EBF2: variants seen among roughly 807,000 people sequenced by gnomAD.
The protein encoded by EBF2 is EBF transcription factor 2.
A neutral mutation model predicts 72.8 loss-of-function variants in EBF2; 21 were observed. The ratio of observed to expected loss-of-function variants is 0.29; its 90% CI spans 0.20 to 0.42. The LOEUF is 0.42. Among genes scored for constraint, EBF2 ranks in the 10% least tolerant of loss-of-function variants. EBF2 has a pLI of 1.00. For synonymous variants in EBF2, 299 were observed against 274.2 expected (o/e 1.09, Z -0.89); for missense variants, 637 against 731.2 (o/e 0.87, Z 1.49).
chr8:25,872,015 C>T (rs945509983), intron 10 of EBF2, among the ~76,000 whole-genome samples: 2 of 150,234 alleles, frequency 1.3e-5, no homozygotes, highest in Non-Finnish European at 3.0e-5. Context: ...AGGATTAGTG[C>T]GATATAAAAT....
At chr8:25,987,325 C>T (rs1247392821) in intron 6 of EBF2, among the ~76,000 whole-genome samples, 3 of 152,094 alleles carry the variant, frequency 2.0e-5, no homozygotes, top group African/African-American at 7.2e-5. Flanking sequence ...TATTATTTCC[C>T]GCCATTTTGC....
At chr8:26,025,902 C>T (rs911845276) in intron 6 of EBF2, among the ~76,000 whole-genome samples, 1 of 152,096 alleles carries the variant, frequency 6.6e-6, no homozygotes, top group Admixed American at 6.5e-5. Flanking sequence ...TTGAGTGCAG[C>T]AGCCCACACC....
intron 14 of EBF2, chr8:25,857,990 A>C: frequency 2.3e-6 from 1 of 432,192 alleles, no homozygotes; most frequent in Non-Finnish European, 4.4e-6. Flanking sequence ...AAAATATTAC[A>C]TCTGAAAGTG....
intron 6 of EBF2, among the ~76,000 whole-genome samples, chr8:25,936,540 G>A (rs1257921832): frequency 6.6e-6 from 1 of 152,142 alleles, no homozygotes; most frequent in Admixed American, 6.5e-5. Context: ...CTTTGCACTG[G>A]TATTTTCAAT....
intron 6 of EBF2, among the ~76,000 whole-genome samples, chr8:25,916,143 A>G (rs1050270733): frequency 6.6e-6 from 1 of 151,922 alleles, no homozygotes; most frequent in African/African-American, 2.4e-5. Context: ...AAAATTAGCC[A>G]GGTGTGGTGG....
In EBF2 at chr8:25,850,734, G is replaced by C; in HGVS notation, c.1556C>G (p.Ser519Cys). 6.4e-7 allele frequency: 1 copy of C among 1,562,068 alleles called. No individual in the cohort carries two copies. The highest frequency in any genetic ancestry group is 8.6e-7 in the Non-Finnish European group (1 of 1,161,868). The change falls in exon 15 of 16, where the codon TCT becomes TGT. Residue 519 changes from serine (S) to cysteine (C), a missense_variant. Ser to Cys is a moderately radical substitution (Grantham distance 112). Around this residue, in one of 3 missense-constraint regions of EBF2, gnomAD observed 259 missense variants for 268.1 expected, o/e 0.97. Transcript: ENST00000520164. The part of the protein sequence containing the change: ...GIMSSSPTVG[S>C]SSTSSILPFS... The stretch of plus-strand genomic sequence containing the variant: ...TGGGAGGATGGAGGATGTGCTGGAA[G>C]ACCCAACGGTGGGACTTGATGACAT...
At chr8:25,953,778 G>A (rs1803899735) in intron 6 of EBF2, among the ~76,000 whole-genome samples, 1 of 152,186 alleles carries the variant, frequency 6.6e-6, no homozygotes, top group Non-Finnish European at 1.5e-5. Context: ...CACCCCTCCA[G>A]GTGAATGACA....
At position 25,861,127 on chromosome 8, in the gene EBF2, T is replaced by C. The variant is rs2117262103; in HGVS notation, c.1264A>G (p.Ser422Gly). Residue 422 changes from serine to glycine, a missense_variant, in exon 13 of 16, where the codon AGT becomes GGT. Around this residue, in one of 3 missense-constraint regions of EBF2, gnomAD observed 259 missense variants for 268.1 expected, o/e 0.97. Transcript: ENST00000520164. ...TAGGAGTTGATTCCCATCATGCCACTGTGCGCTGGGGAGCTAGAGAGGGCT... is the reference window on the plus strand; with the variant it reads ...TAGGAGTTGATTCCCATCATGCCACCGTGCGCTGGGGAGCTAGAGAGGGCT... Reference protein sequence around the residue: ...LPALSSSPAHSGMMGINSYGS... With the variant: ...LPALSSSPAHGGMMGINSYGS... The C allele has an allele frequency of 6.2e-7, 1 of 1,614,198 alleles. No homozygotes were observed. Among genetic ancestry groups the C allele is most frequent in the East Asian group, 2.2e-5 (1 of 44,880 alleles).
intron 6 of EBF2, among the ~76,000 whole-genome samples, chr8:26,028,420 T>C (rs1321681028): frequency 6.6e-6 from 1 of 152,182 alleles, no homozygotes; most frequent in Admixed American, 6.5e-5. Context: ...TACTAGAAAA[T>C]ACCCTACCAG....
intron 10 of EBF2, among the ~76,000 whole-genome samples, chr8:25,874,848 G>A (rs542746368): frequency 9.1e-4 from 129 of 141,948 alleles, no homozygotes; most frequent in Non-Finnish European, 1.6e-3. Context: ...CACCAGCCTG[G>A]CTAACTTTTT....
chr8:25,901,030 T>C (rs928464387), intron 7 of EBF2, among the ~76,000 whole-genome samples: 3 of 152,156 alleles, frequency 2.0e-5, no homozygotes, highest in African/African-American at 7.2e-5. Flanking sequence ...TGACTATGGA[T>C]ACCCTAACTA....
intron 6 of EBF2, among the ~76,000 whole-genome samples, chr8:25,962,772 T>C (rs1452220957): frequency 6.6e-6 from 1 of 152,224 alleles, no homozygotes; most frequent in East Asian, 1.9e-4. Flanking sequence ...AGATGTGACA[T>C]GGTGTCTTAC....
At chr8:25,902,956 G>T (rs1274600869) in intron 7 of EBF2, among the ~76,000 whole-genome samples, 1 of 152,208 alleles carries the variant, frequency 6.6e-6, no homozygotes, top group Admixed American at 6.5e-5. Flanking sequence ...AGGCATGGCA[G>T]GTTTTCCTGG....
intron 14 of EBF2, among the ~76,000 whole-genome samples, chr8:25,852,312 A>C (rs1388523061): frequency 2.6e-5 from 4 of 151,672 alleles, no homozygotes; most frequent in African/African-American, 9.7e-5. Flanking sequence ...GAAATAGAAA[A>C]AATCCAAAAG....
At chr8:26,003,117 A>T (rs1804769318) in intron 6 of EBF2, among the ~76,000 whole-genome samples, 1 of 152,098 alleles carries the variant, frequency 6.6e-6, no homozygotes, top group African/African-American at 2.4e-5. Flanking sequence ...GTCCTCCAAG[A>T]GGCTATCCAG....
At chr8:26,017,854 C>A (rs1015159678) in intron 6 of EBF2, among the ~76,000 whole-genome samples, 1 of 152,134 alleles carries the variant, frequency 6.6e-6, no homozygotes, top group African/African-American at 2.4e-5. Context: ...TGCCACCTCT[C>A]GACAAAAACG....
chr8:25,887,560 G>T (rs890294412), intron 9 of EBF2, among the ~76,000 whole-genome samples: 6 of 151,526 alleles, frequency 4.0e-5, no homozygotes, highest in Non-Finnish European at 5.9e-5. Flanking sequence ...TTTTTTTTCT[G>T]CTTAGTATTA....
chr8:25,912,061 C>A, intron 6 of EBF2, among the ~76,000 whole-genome samples: 1 of 152,152 alleles, frequency 6.6e-6, no homozygotes, highest in East Asian at 1.9e-4. Context: ...CACGGTCCAG[C>A]AGCTGAAGGG....
At chr8:25,983,105 A>T (rs4538895) in intron 6 of EBF2, among the ~76,000 whole-genome samples, 51,899 of 151,934 alleles carry the variant, frequency 0.34, 9,573 homozygotes, top group South Asian at 0.49. Flanking sequence ...AGCACGTTCA[A>T]ATCACAGCAT....
Sources: gnomAD v4.1 joint callset for allele counts (sites outside exome capture counted in the v4.1 genomes callset) on GRCh38, gnomAD v4.1.1 for gene constraint, gnomAD v4.1.1 regional missense constraint, MANE v1.5 for transcripts, NCBI Gene and HGNC (gene_info 2026-07-23, HGNC 2026-07-21) for gene names.